TMEM204: variants seen among roughly 807,000 people sequenced by gnomAD.
TMEM204 encodes transmembrane protein 204.
In TMEM204, 15 loss-of-function variants were observed where a neutral mutation model predicts 19.4. That is an observed-to-expected ratio of 0.77 (90% CI 0.52 to 1.19). The LOEUF is 1.19. Ranked by LOEUF, TMEM204 falls within the 50% of genes most tolerant of loss-of-function variation. The pLI is 0.00. For missense variants in TMEM204, 287 were observed against 321.2 expected, an observed-to-expected ratio of 0.89 and a Z score of 0.81; for synonymous variants, 161 against 146.0, an observed-to-expected ratio of 1.10 and a Z score of -0.74.
In TMEM204 at chr16:1,555,188, T is replaced by C; in HGVS notation, c.*162T>C. The C allele has an allele frequency of 3.4e-6, 3 of 884,524 alleles. No homozygotes were observed. Among genetic ancestry groups the C allele is most frequent in the Non-Finnish European group, 5.0e-6 (3 of 597,708 alleles). 54.8% of individuals were successfully genotyped at this position (884,524 alleles called of 1,614,324 possible). On this transcript the variant is annotated 3_prime_UTR_variant, in exon 3 of 3. Transcript: ENST00000566264. ...GTGCGAGACACGTGTGCGTTTACTG[T>C]TATGTCGGTCATATGTCTGTACGTG...
chr16:1,545,306 A>T (rs2032075530), intron 2 of TMEM204, among the ~76,000 whole-genome samples: 3 of 151,382 alleles, frequency 2.0e-5, no homozygotes, highest in Admixed American at 6.6e-5. Flanking sequence ...GAGGGCCAGC[A>T]GCACCAAGAG....
intron 2 of TMEM204, among the ~76,000 whole-genome samples, chr16:1,552,562 A>G (rs1365941244): frequency 1.3e-5 from 2 of 151,698 alleles, no homozygotes; most frequent in Non-Finnish European, 2.9e-5. Context: ...AAGCATCGAT[A>G]CCACACAATC....
intron 2 of TMEM204, among the ~76,000 whole-genome samples, chr16:1,546,090 C>A (rs2032148858): frequency 6.6e-6 from 1 of 152,222 alleles, no homozygotes; most frequent in Non-Finnish European, 1.5e-5. Context: ...CTTTCACAGT[C>A]TGTGGTCTTG....
At position 1,553,414 on chromosome 16, in the gene TMEM204, G is replaced by A; in HGVS notation, c.437-1368G>A. The A allele has an allele frequency of 1.0e-6, 1 of 985,402 alleles. No homozygotes were observed. The highest frequency in any genetic ancestry group is 4.7e-5 in the South Asian group (1 of 21,286). The allele number at this position is 985,402 out of a possible 1,614,324, so 61.0% of individuals were successfully genotyped here. ...TGGTTTCCTGGGGAATGCAGGGGAGGCGGTTGGGAGTGGAGAGACCGGCAT... is the reference window on the plus strand; with the variant it reads ...TGGTTTCCTGGGGAATGCAGGGGAGACGGTTGGGAGTGGAGAGACCGGCAT... On this transcript the variant is annotated intron_variant, in intron 2 of 2. Transcript: ENST00000566264. This position sits in a 1 kb window ranked among gnomAD's most constrained non-coding sequence, Gnocchi z 4.4.
chr16:1,550,405 CTA>C (rs1359266828), intron 2 of TMEM204, among the ~76,000 whole-genome samples: 2 of 152,240 alleles, frequency 1.3e-5, no homozygotes, highest in Admixed American at 1.3e-4. Context: ...TTTTCAAAAG[CTA>C]TGACACTGAT....
At chr16:1,541,544 G>A (rs1044540608) in intron 1 of TMEM204, 48 of 974,048 alleles carry the variant, frequency 4.9e-5, no homozygotes, top group South Asian at 9.5e-5. Context: ...CAGGGAAGCC[G>A]GTGTTGCTGG....
chr16:1,554,258 T>C, intron 2 of TMEM204: 1 of 536,106 alleles, frequency 1.9e-6, no homozygotes, highest in South Asian at 1.9e-5. Context: ...GTCAGAAGCA[T>C]AGCTCTGGGC....
upstream of TMEM204, among the ~76,000 whole-genome samples, chr16:1,529,860 G>A (rs904088112): frequency 1.3e-5 from 2 of 152,164 alleles, no homozygotes; most frequent in Non-Finnish European, 2.9e-5. Flanking sequence ...GGCCTCATCC[G>A]TCAGCAAATG....
chr16:1,544,562 T>C (rs929137064), intron 2 of TMEM204, among the ~76,000 whole-genome samples: 1 of 152,102 alleles, frequency 6.6e-6, no homozygotes, highest in South Asian at 2.1e-4. Flanking sequence ...ACTCCTGATC[T>C]CAGGTGATCC....
rs1316413521 is a variant in TMEM204 at position 1,551,144 on chromosome 16, T to G, written c.437-3638T>G. ...GTCTACTTTGGTCTCCTCAAACGATTAACTCAAAAAGTAATTGCGGAGAGA... is the reference window on the plus strand; with the variant it reads ...GTCTACTTTGGTCTCCTCAAACGATGAACTCAAAAAGTAATTGCGGAGAGA... On this transcript the variant is annotated intron_variant, in intron 2 of 2. Transcript: ENST00000566264. This position sits in a 1 kb window ranked among gnomAD's most constrained non-coding sequence, Gnocchi z 4.0. Among the ~76,000 whole-genome samples the G allele has an allele frequency of 2.0e-5, 3 of 152,218 alleles. No individual in the cohort carries two copies. The highest frequency in any genetic ancestry group is 4.4e-5 in the Non-Finnish European group (3 of 68,034).
chr16:1,542,021 G>A lies in TMEM204; in HGVS notation c.381G>A (p.Leu127=). 6.2e-7 allele frequency: 1 copy of A among 1,611,290 alleles called. No homozygotes were observed. The highest frequency in any genetic ancestry group is 2.2e-5 in the East Asian group (1 of 44,852). The change falls in exon 2 of 3, where the codon CTG becomes CTA. Residue 127 remains leucine (L), a synonymous_variant. Coordinates refer to ENST00000566264, the MANE Select transcript of TMEM204 (RefSeq NM_024600.6). ...FLLGLVGLPL[L]SPDAPCWEEA... Reference sequence around the variant, plus strand: ...TGGGGCTGGTGGGCCTGCCCCTGCTGTCACCCGACGCCCCGTGCTGGGAGG... The same window carrying A: ...TGGGGCTGGTGGGCCTGCCCCTGCTATCACCCGACGCCCCGTGCTGGGAGG...
At chr16:1,530,040 T>C (rs1454813548), upstream of TMEM204, among the ~76,000 whole-genome samples, 2 of 151,502 alleles carry the variant, frequency 1.3e-5, no homozygotes, top group East Asian at 3.9e-4. Context: ...GGGGCCTCAG[T>C]GCGTGAGGCG....
At chr16:1,550,595 A>G (rs529914957) in intron 2 of TMEM204, among the ~76,000 whole-genome samples, 77 of 152,222 alleles carry the variant, frequency 5.1e-4, no homozygotes, top group African/African-American at 1.8e-3. Flanking sequence ...CCACACTGCT[A>G]GGGCACCCGG....
rs768379591 is a variant in TMEM204 at position 1,534,252 on chromosome 16, T to G, written c.-24T>G. On this transcript the variant is annotated 5_prime_UTR_variant, in exon 1 of 3. Transcript: ENST00000566264. The stretch of plus-strand genomic sequence containing the variant: ...GGACTGGGACTTGGCTTTCTCCGGA[T>G]AAGCGGCGGCACCGGCGTCAGCGAT... 4 of 1,607,440 alleles carry G rather than the reference T, an allele frequency of 2.5e-6. No homozygotes were observed. In the Admixed American group the frequency reaches 6.8e-5, roughly 27 times the overall value.
At chr16:1,548,740 A>G (rs1056051461) in intron 2 of TMEM204, among the ~76,000 whole-genome samples, 18 of 152,296 alleles carry the variant, frequency 1.2e-4, no homozygotes, top group African/African-American at 4.3e-4. Context: ...GGTGGGAAGG[A>G]CAGAAGTAAA....
rs1363116645 is a variant in TMEM204 at position 1,554,980 on chromosome 16, G to A, written c.635G>A (p.Arg212His). ...VIVISRSLTARFRRGLDNDYV... is the reference protein window; with the variant it reads ...VIVISRSLTAHFRRGLDNDYV... ...GTCATCAGCCGCTCCCTGACAGCGC[G>A]CTTTCGCCGTGGGCTGGACAATGAC... Residue 212 changes from arginine (R) to histidine (H), a missense_variant, in exon 3 of 3, where the codon CGC (arginine) becomes CAC (histidine). Physicochemically the swap from Arg to His is conservative, Grantham distance 29. Transcript: ENST00000566264. 6.8e-6 allele frequency: 11 copies of A among 1,613,606 alleles called. No individual in the cohort carries two copies. The highest frequency in any genetic ancestry group is 2.7e-5 in the African/African-American group (2 of 74,950).
chr16:1,535,739 G>C (rs981934320), intron 1 of TMEM204, among the ~76,000 whole-genome samples: 1 of 152,226 alleles, frequency 6.6e-6, no homozygotes, highest in Non-Finnish European at 1.5e-5. Flanking sequence ...CAACCCCCTT[G>C]TCCACTCAAA....
Position 1,544,855 on chromosome 16 carries a change from A to G in TMEM204, c.436+2779A>G, listed in dbSNP as rs1245131430. Among the ~76,000 whole-genome samples, 9 of 148,272 alleles carry G rather than the reference A, an allele frequency of 6.1e-5. No individual in the cohort carries two copies. In the East Asian group the frequency reaches 1.7e-3, roughly 27 times the overall value. ...AGTAGAGACGGGGTTTCACCGTGTT[A>G]GCCAGGATGGTCTCGATCTCCTGAC... On this transcript the variant is annotated intron_variant, in intron 2 of 2. Transcript: ENST00000566264.
At chr16:1,545,233 C>G (rs891284110) in intron 2 of TMEM204, among the ~76,000 whole-genome samples, 3 of 152,090 alleles carry the variant, frequency 2.0e-5, no homozygotes, top group Non-Finnish European at 4.4e-5. Flanking sequence ...TGCTCCAACA[C>G]GACCTCTGAC....
Sources: gnomAD v4.1 joint callset for allele counts (sites outside exome capture counted in the v4.1 genomes callset) on GRCh38, gnomAD v4.1.1 for gene constraint, Gnocchi (gnomAD v3.1) non-coding constraint, MANE v1.5 for transcripts, NCBI Gene and HGNC (gene_info 2026-07-23, HGNC 2026-07-21) for gene names.